The following CD8B2 variants were observed in gnomAD, a reference collection of about 807,000 sequenced individuals.
CD8B2 encodes the protein T-cell surface glycoprotein CD8 beta-2 chain.
In CD8B2, 11 loss-of-function variants were observed where a neutral mutation model predicts 23.7. The observed-to-expected ratio is 0.46, with a 90% CI of 0.29 to 0.77. The LOEUF is 0.77. Among genes scored for constraint, CD8B2 ranks in the 30% least tolerant of loss-of-function variants. CD8B2 has a pLI of 0.09. For missense variants in CD8B2, 197 were observed against 270.5 expected, an observed-to-expected ratio of 0.73 and a Z score of 1.91; for synonymous variants, 90 against 109.3, an observed-to-expected ratio of 0.82 and a Z score of 1.10.
chr2:106,506,006 G>A (rs1249180724), intron 5 of CD8B2, among the ~76,000 whole-genome samples: 1 of 152,078 alleles, frequency 6.6e-6, no homozygotes, highest in African/African-American at 2.4e-5. Flanking sequence ...GGTGGCGGGC[G>A]CCTATGTAAT....
At position 106,538,314 on chromosome 2, in the gene CD8B2, T is replaced by C. The variant is rs139012220; in HGVS notation, c.621-5678T>C. 1.8e-4 allele frequency among the ~76,000 whole-genome samples: 27 copies of C among 152,348 alleles called. 2 individuals are homozygous for C. Among genetic ancestry groups the C allele is most frequent in the African/African-American group, 5.8e-4 (24 of 41,578 alleles). On this transcript the variant is annotated intron_variant, in intron 5 of 5. Coordinates refer to the CD8B2 transcript ENST00000416057. ...GAATTTTGAGATGGAGCCTTCAGCC[T>C]ATGTAGGCTATGTATACATGAAGAA...
intron 4 of CD8B2, 96 bp from the exon 5 acceptor site, chr2:106,504,193 T>G (rs1679462266): frequency 6.6e-7 from 1 of 1,522,968 alleles, no homozygotes; most frequent in Admixed American, 2.0e-5. Context: ...TGGGCTGAGG[T>G]GTCAGCTGCC....
At chr2:106,542,037 C>T (rs1429107628) in intron 5 of CD8B2, among the ~76,000 whole-genome samples, 1 of 152,350 alleles carries the variant, frequency 6.6e-6, no homozygotes, top group Non-Finnish European at 1.5e-5. Flanking sequence ...TTCCTTCTTC[C>T]AACTCTCCAT....
chr2:106,535,444 C>T (rs1186746280), intron 5 of CD8B2: 1 of 138,330 alleles, frequency 7.2e-6, no homozygotes, highest in African/African-American at 3.1e-5. Context: ...CAAAGAAGGT[C>T]CTTGTGTAGG....
At chr2:106,488,309 T>TC (rs1679120868) in intron 1 of CD8B2, among the ~76,000 whole-genome samples, 1 of 150,966 alleles carries the variant, frequency 6.6e-6, no homozygotes, top group Admixed American at 6.6e-5. Context: ...AAACATCAGG[T>TC]CCCTCTGAGA....
chr2:106,493,749 G>A (rs535277663), intron 2 of CD8B2, among the ~76,000 whole-genome samples: 2 of 152,188 alleles, frequency 1.3e-5, no homozygotes, highest in Non-Finnish European at 2.9e-5. Context: ...GTGGCAGAGC[G>A]AGAAGCACAG....
chr2:106,533,701 A>C (rs1240197898), intron 5 of CD8B2, among the ~76,000 whole-genome samples: 1 of 152,200 alleles, frequency 6.6e-6, no homozygotes, highest in Non-Finnish European at 1.5e-5. Context: ...TAAAGCTGGA[A>C]AGGAAATGGA....
chr2:106,527,766 G>C (rs1270710451), intron 5 of CD8B2, among the ~76,000 whole-genome samples: 2 of 151,934 alleles, frequency 1.3e-5, no homozygotes, highest in Admixed American at 1.3e-4. Flanking sequence ...CTGGGCCACA[G>C]AGCGAGACTT....
At chr2:106,529,262 G>A (rs1373567548) in intron 5 of CD8B2, among the ~76,000 whole-genome samples, 2 of 152,190 alleles carry the variant, frequency 1.3e-5, no homozygotes, top group Admixed American at 6.5e-5. Context: ...GACTCCAAAG[G>A]GAAAGGGAAT....
In CD8B2 at chr2:106,518,349, G is replaced by A. The variant is rs559225527; in HGVS notation, c.620+14024G>A. Among the ~76,000 whole-genome samples, 4 of 152,308 alleles carry A rather than the reference G, an allele frequency of 2.6e-5. No individual in the cohort carries two copies. The South Asian group carries it at 8.3e-4, about 32-fold the overall frequency. ...GAATTGCACAGTAGGTAGGGCATAA[G>A]ATGTAAAGACATAGCTGAAAATACT... On this transcript the variant is annotated intron_variant, in intron 5 of 5. Coordinates refer to the CD8B2 transcript ENST00000416057.
At chr2:106,497,942 A>G (rs1679329398) in intron 3 of CD8B2, among the ~76,000 whole-genome samples, 1 of 152,166 alleles carries the variant, frequency 6.6e-6, no homozygotes, top group South Asian at 2.1e-4. Context: ...GGAAGACCCC[A>G]AGTTGTATGG....
At chr2:106,517,211 CT>C (rs1218097936) in intron 5 of CD8B2, among the ~76,000 whole-genome samples, 1 of 151,924 alleles carries the variant, frequency 6.6e-6, no homozygotes, top group African/African-American at 2.4e-5. Context: ...TGGGCTCCTG[CT>C]TTTTCTGGAG....
downstream of CD8B2, among the ~76,000 whole-genome samples, chr2:106,513,973 T>C (rs1288257306): frequency 6.6e-6 from 1 of 151,914 alleles, no homozygotes; most frequent in Non-Finnish European, 1.5e-5. Flanking sequence ...TGAAGTCCTT[T>C]TGTGGGCCCT....
intron 1 of CD8B2, among the ~76,000 whole-genome samples, chr2:106,490,022 C>T (rs1025028758): frequency 3.9e-5 from 6 of 151,992 alleles, no homozygotes; most frequent in Non-Finnish European, 5.9e-5. Flanking sequence ...TGGTGTCTGT[C>T]CTTCCACTGG....
At chr2:106,544,127 G>A in exon 6 of CD8B2, 1 of 398,540 alleles carries the variant, frequency 2.5e-6, no homozygotes, top group Non-Finnish European at 4.4e-6. Context: ...AGGACTTGGT[G>A]GAGTATGGTT....
At position 106,487,814 on chromosome 2, in the gene CD8B2, C is replaced by T. The variant is rs547862700; in HGVS notation, c.43+345C>T. 2.0e-5 allele frequency among the ~76,000 whole-genome samples: 3 copies of T among 152,244 alleles called. No homozygotes were observed. In the South Asian group the frequency reaches 6.2e-4, roughly 32 times the overall value. On this transcript the variant is annotated intron_variant, in intron 1 of 5. Coordinates refer to ENST00000643224, the MANE Select transcript of CD8B2 (RefSeq NM_001349727.2). The stretch of plus-strand genomic sequence containing the variant: ...AAGGAAACAGGTCCCTGCCCAGGGT[C>T]CCCGCAGGATGTGCTCGGAGGAAGG...
At chr2:106,500,564 T>A (rs866616220) in intron 3 of CD8B2, among the ~76,000 whole-genome samples, 2 of 101,722 alleles carry the variant, frequency 2.0e-5, no homozygotes, top group African/African-American at 3.7e-5. Flanking sequence ...AAATAAATAA[T>A]TAAAAAATAC....
At chr2:106,496,322 C>T in intron 3 of CD8B2, 60 bp downstream of exon 3, 3 of 1,218,486 alleles carry the variant, frequency 2.5e-6, no homozygotes, top group Non-Finnish European at 1.2e-6. Context: ...TGCCCTCCCT[C>T]CCTCCCCTCC....
In CD8B2 at chr2:106,507,331, T is replaced by C. The variant is rs1162203520; in HGVS notation, c.*391T>C. The C allele has an allele frequency of 9.9e-7, 1 of 1,005,420 alleles. No individual in the cohort carries two copies. Among genetic ancestry groups the C allele is most frequent in the Non-Finnish European group, 1.2e-6 (1 of 843,050 alleles). 62.3% of individuals were successfully genotyped at this position (1,005,420 alleles called of 1,614,324 possible). A position where few individuals can be genotyped will look rare whatever the true frequency, so the allele number is the denominator to read the frequency against. On this transcript the variant is annotated 3_prime_UTR_variant, in exon 6 of 6. Transcript: ENST00000643224. The stretch of plus-strand genomic sequence containing the variant: ...GCAGTAACATTGGGTCCTGGGTCTT[T>C]CATGGGGTGATGCTGGGCTGGCTCC...
Sources: gnomAD v4.1 joint callset for allele counts (sites outside exome capture counted in the v4.1 genomes callset) on GRCh38, gnomAD v4.1.1 for gene constraint, MANE v1.5 for transcripts, NCBI Gene and HGNC (gene_info 2026-07-23, HGNC 2026-07-21) for gene names.